The following SZT2 variants were observed in gnomAD, a reference collection of about 807,000 sequenced individuals.
SZT2 encodes the protein SZT2 subunit of KICSTOR complex, also known as KICSTOR complex protein SZT2.
A neutral mutation model predicts 404.2 loss-of-function variants in SZT2; 216 were observed. The ratio of observed to expected loss-of-function variants is 0.53; its 90% CI spans 0.48 to 0.60. SZT2 has a LOEUF of 0.60. Ranked by LOEUF, SZT2 falls within the 20% of genes least tolerant of loss-of-function variation. SZT2 has a pLI of 0.00. For synonymous variants in SZT2, 1,693 were observed against 1,749.9 expected (o/e 0.97, Z 0.81); for missense variants, 3,857 against 4,459.2 (o/e 0.86, Z 3.85).
Position 43,416,043 on chromosome 1 carries a change from C to G in SZT2, c.714C>G (p.Val238=). 1.3e-6 allele frequency: 2 copies of G among 1,598,342 alleles called. No individual in the cohort carries two copies. The highest frequency in any genetic ancestry group is 1.7e-6 in the Non-Finnish European group (2 of 1,179,794). ...TGGTGACAGCTGATCTTGGGCTGGT[C>G]AGTATGATTCGTCAGGGCATCTTGG... The part of the protein sequence containing the change: ...VSMVTADLGL[V]SMIRQGILAL... The change falls in exon 6 of 72, where the codon GTC becomes GTG. Residue 238 remains valine (V), a synonymous_variant. Coordinates refer to ENST00000634258, the MANE Select transcript of SZT2 (RefSeq NM_001365999.1).
At chr1:43,415,291 TCC>T in intron 5 of SZT2, 78 bp downstream of exon 5, 1 of 1,543,920 alleles carries the variant, frequency 6.5e-7, no homozygotes. Context: ...GGAGGGATAG[TCC>T]AAATAGGGCA....
chr1:43,394,669 G>A (rs1241043901), intron 1 of SZT2, among the ~76,000 whole-genome samples: 2 of 152,096 alleles, frequency 1.3e-5, no homozygotes, highest in Admixed American at 6.5e-5. Flanking sequence ...ACCTGATGTC[G>A]GGAGTTTGAG....
At chr1:43,446,096 AAAGT>A in intron 63 of SZT2, 79 bp from the exon 64 acceptor site, 1 of 1,588,148 alleles carries the variant, frequency 6.3e-7, no homozygotes, top group Non-Finnish European at 8.6e-7. Context: ...TGACACCATT[AAAGT>A]CAGGGTCCAA....
Position 43,448,031 on chromosome 1 carries a change from G to A in SZT2, c.9564-48G>A. The stretch of plus-strand genomic sequence containing the variant: ...CCCAGCCTGCCCCACCCTGCCCTGT[G>A]TGTCTCTTGCTACAACCACCACTCT... On this transcript the variant is annotated intron_variant, in intron 68 of 71. Coordinates refer to ENST00000634258, the MANE Select transcript of SZT2 (RefSeq NM_001365999.1). The surrounding 1 kb of genome is among the most constrained non-coding windows in gnomAD (Gnocchi z 4.2). The A allele has an allele frequency of 6.2e-7, 1 of 1,610,106 alleles. No homozygotes were observed. Among genetic ancestry groups the A allele is most frequent in the Non-Finnish European group, 8.5e-7 (1 of 1,177,302 alleles).
In SZT2 at chr1:43,441,378, A is replaced by G; in HGVS notation, c.7509A>G (p.Gln2503=). 1 of 1,614,070 alleles carries G rather than the reference A, an allele frequency of 6.2e-7. No homozygotes were observed. The highest frequency in any genetic ancestry group is 2.2e-5 in the East Asian group (1 of 44,876). ...GCTCAGATTCTGGAGCCCAGAGACA[A>G]AAGTATGTGTGTGGTGGTGGTGTGC... ...APGSDSGAQR[Q]KRRTTQLEEG... is the part of the protein sequence containing the mutation. Residue 2503 remains glutamine, a splice_region_variant and synonymous_variant, in exon 53 of 72, where the codon CAA becomes CAG. Coordinates refer to ENST00000634258, the MANE Select transcript of SZT2 (RefSeq NM_001365999.1). The surrounding 1 kb of genome is among the most constrained non-coding windows in gnomAD (Gnocchi z 4.8).
Position 43,427,342 on chromosome 1 carries a change from G to A in SZT2, c.3495G>A (p.Lys1165=), listed in dbSNP as rs1206331829. ...EGPPQEETKP[K]FGDWSGAPSL... ...CCCCTCAAGAGGAGACAAAGCCTAA[G>A]TTTGGGGATTGGAGTGGGGCTCCCA... is the stretch of plus-strand genomic sequence containing the variant. The change falls in exon 25 of 72, where the codon AAG becomes AAA. Residue 1165 remains lysine, a synonymous_variant. Transcript: ENST00000634258. 6.2e-7 allele frequency: 1 copy of A among 1,614,088 alleles called. No individual in the cohort carries two copies. The highest frequency in any genetic ancestry group is 1.3e-5 in the African/African-American group (1 of 75,062).
chr1:43,429,628 T>A, intron 28 of SZT2, 75 bp from the exon 29 acceptor site: 1 of 1,588,480 alleles, frequency 6.3e-7, no homozygotes, highest in Non-Finnish European at 8.6e-7. Flanking sequence ...CCTGTGCTGC[T>A]CCCCAGTTGA....
rs572909512 is a variant in SZT2, at chr1:43,425,575, G to A, written c.2747G>A (p.Arg916Gln). The change falls in exon 19 of 72, where the codon CGA (arginine) becomes CAA (glutamine). Residue 916 changes from arginine to glutamine, a missense_variant. Around this residue, in one of 7 missense-constraint regions of SZT2, gnomAD observed 1,725 missense variants for 1,881.0 expected, o/e 0.92. Coordinates refer to ENST00000634258, the MANE Select transcript of SZT2 (RefSeq NM_001365999.1). The surrounding 1 kb of genome is among the most constrained non-coding windows in gnomAD (Gnocchi z 4.3). ...TEVWVEPQYGRVGPGPGIWKH... is the reference protein window; with the variant it reads ...TEVWVEPQYGQVGPGPGIWKH... Reference sequence around the variant, plus strand: ...GTGTGGGTGGAGCCACAGTATGGGCGAGTGGGACCTGGCCCTGGAATCTGG... The same window carrying A: ...GTGTGGGTGGAGCCACAGTATGGGCAAGTGGGACCTGGCCCTGGAATCTGG... 9.9e-6 allele frequency: 16 copies of A among 1,614,216 alleles called. No homozygotes were observed. The highest frequency in any genetic ancestry group is 2.2e-5 in the East Asian group (1 of 44,886).
At chr1:43,406,264 T>C (rs776644178) in intron 4 of SZT2, 3 of 333,080 alleles carry the variant, frequency 9.0e-6, no homozygotes, top group South Asian at 2.2e-5. Context: ...ATTTTTGTTT[T>C]TTTTGTTTTT....
intron 70 of SZT2, chr1:43,449,856 G>C: frequency 1.7e-6 from 1 of 590,510 alleles, no homozygotes; most frequent in Non-Finnish European, 3.0e-6. Flanking sequence ...AGTGTGCCAG[G>C]CTCTGTGTGG....
Position 43,437,167 on chromosome 1 carries a change from C to T in SZT2, c.6035-4C>T, listed in dbSNP as rs767217330. ...ATTTCTAATCCCTGCTCCCCCTCAC[C>T]CAGATTATGCTGCTGATGAGAGCTG... On this transcript the variant is annotated splice_polypyrimidine_tract_variant and splice_region_variant and intron_variant, in intron 42 of 71. Coordinates refer to ENST00000634258, the MANE Select transcript of SZT2 (RefSeq NM_001365999.1). This position sits in a 1 kb window ranked among gnomAD's most constrained non-coding sequence, Gnocchi z 5.3. 3 of 1,614,080 alleles carry T rather than the reference C, an allele frequency of 1.9e-6. No homozygotes were observed. Among genetic ancestry groups the T allele is most frequent in the South Asian group, 2.2e-5 (2 of 91,072 alleles).
chr1:43,409,486 T>C (rs1650746927), intron 4 of SZT2: 3 of 397,850 alleles, frequency 7.5e-6, no homozygotes, highest in Non-Finnish European at 1.5e-5. Flanking sequence ...ATTATCCTTG[T>C]TTGCAGATGA....
Position 43,452,097 on chromosome 1 carries a change from G to A in SZT2, c.*1617G>A. The A allele has an allele frequency of 1.3e-6, 2 of 1,515,288 alleles. No homozygotes were observed. The highest frequency in any genetic ancestry group is 1.8e-6 in the Non-Finnish European group (2 of 1,100,428). 93.9% of individuals were successfully genotyped at this position (1,515,288 alleles called of 1,614,324 possible). A position where few individuals can be genotyped will look rare whatever the true frequency, so the allele number is the denominator to read the frequency against. ...CAGTCACTGGTCAAGGCCCTCACCTGTTCCTCTGACCTAGGCTGGCAGCCT... is the reference window on the plus strand; with the variant it reads ...CAGTCACTGGTCAAGGCCCTCACCTATTCCTCTGACCTAGGCTGGCAGCCT... On this transcript the variant is annotated 3_prime_UTR_variant, in exon 72 of 72. Coordinates refer to ENST00000634258, the MANE Select transcript of SZT2 (RefSeq NM_001365999.1).
rs1379305131 is a variant in SZT2, at chr1:43,445,983, A to G, written c.8915A>G (p.Lys2972Arg). ...CPKTKTDGSP[K>R]STSSPVTTYH... Reference sequence around the variant, plus strand: ...AAAACCAAGACTGATGGGAGCCCCAAGGTAACTTGTCATATAATGGTAAAG... The same window carrying G: ...AAAACCAAGACTGATGGGAGCCCCAGGGTAACTTGTCATATAATGGTAAAG... The change falls in exon 63 of 72, where the codon AAG becomes AGG. Residue 2972 changes from lysine to arginine, a missense_variant and splice_region_variant. Physicochemically the swap from Lys to Arg is conservative, Grantham distance 26 (BLOSUM62 2). Around this residue, in one of 7 missense-constraint regions of SZT2, gnomAD observed 717 missense variants for 868.2 expected, o/e 0.83. Transcript: ENST00000634258. 6.2e-7 allele frequency: 1 copy of G among 1,614,008 alleles called. No individual in the cohort carries two copies. The highest frequency in any genetic ancestry group is 8.5e-7 in the Non-Finnish European group (1 of 1,179,932).
rs971124282 is a variant in SZT2, at chr1:43,430,669, C to G, written c.4654C>G (p.Pro1552Ala). The G allele has an allele frequency of 2.5e-6, 4 of 1,613,950 alleles. No homozygotes were observed. The African/African-American group carries it at 5.3e-5, about 22-fold the overall frequency. The change falls in exon 32 of 72, where the codon CCC becomes GCC. Residue 1552 changes from proline to alanine, a missense_variant. Transcript: ENST00000634258. ...CTTCAGTATCTTGGGGGGCGACTCA[C>G]CCACTGGGCCTGAGAGCTTCCTTCA... ...DSFSILGGDSPTGPESFLHDL... is the reference protein window; with the variant it reads ...DSFSILGGDSATGPESFLHDL...
intron 29 of SZT2, 81 bp downstream of exon 29, chr1:43,429,925 T>C (rs966308158): frequency 6.8e-6 from 11 of 1,611,386 alleles, no homozygotes; most frequent in Non-Finnish European, 8.5e-6. Flanking sequence ...GGGCGGGGGG[T>C]ATGCATGTGT....
chr1:43,446,784 G>T, intron 65 of SZT2, 171 bp from the exon 66 acceptor site: 2 of 675,548 alleles, frequency 3.0e-6, no homozygotes, highest in South Asian at 3.8e-5. Flanking sequence ...TATGAAAAAG[G>T]GAGGCTAGAA....
In SZT2 at chr1:43,424,541, C is replaced by A; in HGVS notation, c.2471+109C>A. The A allele has an allele frequency of 1.7e-6, 2 of 1,194,494 alleles. No homozygotes were observed. Among genetic ancestry groups the A allele is most frequent in the South Asian group, 1.4e-5 (1 of 71,198 alleles). The allele number at this position is 1,194,494 out of a possible 1,614,324, so 74.0% of individuals were successfully genotyped here. On this transcript the variant is annotated intron_variant, in intron 16 of 71. Transcript: ENST00000634258. This position sits in a 1 kb window ranked among gnomAD's most constrained non-coding sequence, Gnocchi z 4.1. ...ACACTTCTCCTCTCTAATTCCCAGT[C>A]TGAAGTATAGAGCAGCATCTGCTAC...
At chr1:43,418,265 T>C (rs1651930463) in intron 7 of SZT2, among the ~76,000 whole-genome samples, 1 of 152,148 alleles carries the variant, frequency 6.6e-6, no homozygotes, top group Non-Finnish European at 1.5e-5. Context: ...TTTTTAAAGC[T>C]AGAGACTTAA....
Sources: gnomAD v4.1 joint callset for allele counts (sites outside exome capture counted in the v4.1 genomes callset) on GRCh38, gnomAD v4.1.1 for gene constraint, gnomAD v4.1.1 regional missense constraint, Gnocchi (gnomAD v3.1) non-coding constraint, MANE v1.5 for transcripts, NCBI Gene and HGNC (gene_info 2026-07-23, HGNC 2026-07-21) for gene names.